Variants in PRSS36 observed in about 807,000 individuals in gnomAD.
PRSS36 encodes polyserase-2.
In PRSS36, 90 loss-of-function variants were observed where a neutral mutation model predicts 94.3. The observed-to-expected ratio is 0.95, with a 90% CI of 0.80 to 1.14. The LOEUF (loss-of-function observed/expected upper bound fraction) is 1.14. Ranked by LOEUF, PRSS36 falls within the 50% of genes most tolerant of loss-of-function variation. The probability of loss-of-function intolerance (pLI) is 0.00; values close to 1 mark genes in which losing one functional copy is unlikely to be tolerated. For missense variants in PRSS36, 1,158 were observed against 1,135.0 expected, an observed-to-expected ratio of 1.02 and a Z score of -0.29; for synonymous variants, 500 against 489.6, an observed-to-expected ratio of 1.02 and a Z score of -0.28.
intron 2 of PRSS36, 71 bp from the exon 3 acceptor site, chr16:31,149,569 T>G: frequency 1.9e-6 from 3 of 1,608,592 alleles, no homozygotes; most frequent in Non-Finnish European, 2.6e-6. Flanking sequence ...CCCCACTTCC[T>G]GCTCTCCAAC....
Position 31,141,722 on chromosome 16 carries a change from C to T in PRSS36, c.1759+1G>A. 1 of 1,611,088 alleles carries T rather than the reference C, an allele frequency of 6.2e-7. No homozygotes were observed. Among genetic ancestry groups the T allele is most frequent in the Non-Finnish European group, 8.5e-7 (1 of 1,177,442 alleles). On this transcript the variant is annotated splice_donor_variant, in intron 11 of 14. Transcript: ENST00000268281. LOFTEE classifies it high-confidence loss of function. ...CTAGGGCCCAAAAGCGTCCTGCTCA[C>T]CACCATGCTCTGTGTGTGGGGGACA...
Position 31,149,249 on chromosome 16 carries a change from C to G in PRSS36, c.110-14G>C, listed in dbSNP as rs942472581. ...GGCGCCCGCAGTCTGCAACGGGGAG[C>G]CGTGGAAGCCAAAGCTCCCCTCGGG... On this transcript the variant is annotated splice_polypyrimidine_tract_variant and intron_variant, in intron 3 of 14. Coordinates refer to ENST00000268281, the MANE Select transcript of PRSS36 (RefSeq NM_173502.5). 1.3e-6 allele frequency: 2 copies of G among 1,540,878 alleles called. No individual in the cohort carries two copies. The highest frequency in any genetic ancestry group is 2.7e-5 in the African/African-American group (2 of 72,944).
intron 5 of PRSS36, among the ~76,000 whole-genome samples, chr16:31,148,061 A>T (rs2057824123): frequency 6.6e-6 from 1 of 152,156 alleles, no homozygotes; most frequent in South Asian, 2.1e-4. Flanking sequence ...AGATGAGGAA[A>T]TGTACTGGGT....
intron 2 of PRSS36, 82 bp downstream of exon 2, chr16:31,149,614 A>G: frequency 6.2e-7 from 1 of 1,608,792 alleles, no homozygotes. Context: ...CTGTCCGTTC[A>G]GCAACCCCTG....
intron 12 of PRSS36, 40 bp downstream of exon 12, chr16:31,141,429 T>A: frequency 6.4e-7 from 1 of 1,556,312 alleles, no homozygotes; most frequent in South Asian, 1.2e-5. Flanking sequence ...TGTTCCATTC[T>A]CCCCTCCCGT....
chr16:31,139,014 C>T lies in PRSS36; in HGVS notation c.*124G>A, dbSNP rs1401235459. On this transcript the variant is annotated 3_prime_UTR_variant, in exon 15 of 15. Coordinates refer to ENST00000268281, the MANE Select transcript of PRSS36 (RefSeq NM_173502.5). The stretch of plus-strand genomic sequence containing the variant: ...GCCCGGGCACTGAGGCCCAATTAGC[C>T]AGAGCCGCTGCAATCTCGGTGGGTG... 1.7e-6 allele frequency: 2 copies of T among 1,193,668 alleles called. No individual in the cohort carries two copies. Among genetic ancestry groups the T allele is most frequent in the Non-Finnish European group, 2.3e-6 (2 of 853,682 alleles). 73.9% of individuals were successfully genotyped at this position (1,193,668 alleles called of 1,614,324 possible).
chr16:31,149,452 C>T lies in PRSS36; in HGVS notation c.109+11G>A. The T allele has an allele frequency of 6.2e-7, 1 of 1,614,088 alleles. No homozygotes were observed. Among genetic ancestry groups the T allele is most frequent in the Non-Finnish European group, 8.5e-7 (1 of 1,180,000 alleles). ...CTTTAAGGTCTGAGGGTGCCAAGGC[C>T]TCTTCCTTACCCAGATCTTCAGGTT... On this transcript the variant is annotated intron_variant, in intron 3 of 14. Coordinates refer to ENST00000268281, the MANE Select transcript of PRSS36 (RefSeq NM_173502.5).
chr16:31,143,017 G>C (rs1179992325), intron 8 of PRSS36, 24 bp from the exon 9 acceptor site: 1 of 1,372,702 alleles, frequency 7.3e-7, no homozygotes, highest in Non-Finnish European at 9.4e-7. Context: ...GCCGAGGGAC[G>C]TGGGCCGGAT....
At position 31,140,657 on chromosome 16, in the gene PRSS36, T is replaced by A. The variant is rs771542562; in HGVS notation, c.2002A>T (p.Ile668Phe). ...GHQVSRLVIS[I>F]RLPQHLGLRP... The stretch of plus-strand genomic sequence containing the variant: ...AGTCCCAGGTGCTGGGGCAGCCGGA[T>A]GCTGATGACCAAGCGGGATACCTGG... The change falls in exon 13 of 15, where the codon ATC (isoleucine) becomes TTC (phenylalanine). Residue 668 changes from isoleucine to phenylalanine, a missense_variant. Coordinates refer to ENST00000268281, the MANE Select transcript of PRSS36 (RefSeq NM_173502.5). 6.2e-7 allele frequency: 1 copy of A among 1,613,906 alleles called. No individual in the cohort carries two copies. Among genetic ancestry groups the A allele is most frequent in the South Asian group, 1.1e-5 (1 of 91,054 alleles).
rs561048650 is a variant in PRSS36 at position 31,140,755 on chromosome 16, G to C, written c.1904C>G (p.Pro635Arg). The stretch of plus-strand genomic sequence containing the variant: ...AATGTAAGGCACTGTTGTAGAGCCT[G>C]GCCTGTTGGAACAAGGTCCAATGTC... Reference protein sequence around the residue: ...VLAATHCVLRPGSTTVPYIEV... With the variant: ...VLAATHCVLRRGSTTVPYIEV... The change falls in exon 13 of 15, where the codon CCA becomes CGA. Residue 635 changes from proline (P) to arginine (R), a missense_variant and splice_region_variant. Transcript: ENST00000268281. 5 of 1,613,748 alleles carry C rather than the reference G, an allele frequency of 3.1e-6. No homozygotes were observed. The South Asian group carries it at 4.4e-5, about 14-fold the overall frequency.
In PRSS36 at chr16:31,139,013, C is replaced by T; in HGVS notation, c.*125G>A. 8.5e-7 allele frequency: 1 copy of T among 1,179,018 alleles called. No homozygotes were observed. The highest frequency in any genetic ancestry group is 1.2e-6 in the Non-Finnish European group (1 of 841,026). 73.0% of individuals were successfully genotyped at this position (1,179,018 alleles called of 1,614,324 possible). A position where few individuals can be genotyped will look rare whatever the true frequency, so the allele number is the denominator to read the frequency against. On this transcript the variant is annotated 3_prime_UTR_variant, in exon 15 of 15. Coordinates refer to ENST00000268281, the MANE Select transcript of PRSS36 (RefSeq NM_173502.5). ...AGCCCGGGCACTGAGGCCCAATTAG[C>T]CAGAGCCGCTGCAATCTCGGTGGGT...
intron 6 of PRSS36, 50 bp downstream of exon 6, chr16:31,145,739 A>G (rs1474084471): frequency 2.6e-6 from 4 of 1,551,242 alleles, no homozygotes; most frequent in East Asian, 2.3e-5. Context: ...TCTATTTGTC[A>G]CTGGTTAGGA....
chr16:31,148,851 G>T, intron 4 of PRSS36, 176 bp from the exon 5 acceptor site: 1 of 986,368 alleles, frequency 1.0e-6, no homozygotes, highest in Non-Finnish European at 1.5e-6. Flanking sequence ...GGGGGTCATT[G>T]GAAAGATGGG....
intron 6 of PRSS36, 59 bp from the exon 7 acceptor site, chr16:31,143,896 T>G: frequency 6.3e-6 from 10 of 1,598,390 alleles, no homozygotes; most frequent in Non-Finnish European, 8.5e-6. Flanking sequence ...GAAAAGGTCC[T>G]GCACCTCCTT....
At position 31,148,537 on chromosome 16, in the gene PRSS36, G is replaced by GC. The variant is rs776705244; in HGVS notation, c.410dup (p.Ala138ArgfsTer105). 3.4e-5 allele frequency: 55 copies of GC among 1,600,868 alleles called. No homozygotes were observed. Among genetic ancestry groups the GC allele is most frequent in the Admixed American group, 1.0e-4 (6 of 59,282 alleles). On this transcript the variant is annotated frameshift_variant, in exon 5 of 15. Transcript: ENST00000268281. LOFTEE classifies it high-confidence loss of function. ...CCAGGCGCAGCAGGGCCAGGTCGGCGCCCAGCTCCACTTGGCTGTAGTTGG... is the reference window on the plus strand; with the variant it reads ...CCAGGCGCAGCAGGGCCAGGTCGGCGCCCCAGCTCCACTTGGCTGTAGTTGG...
chr16:31,145,166 G>A (rs2057777267), intron 6 of PRSS36, among the ~76,000 whole-genome samples: 1 of 151,802 alleles, frequency 6.6e-6, no homozygotes, highest in Admixed American at 6.6e-5. Flanking sequence ...TCAGGAGATC[G>A]AGACAATCCT....
At chr16:31,145,645 C>T (rs1406195605) in intron 6 of PRSS36, 144 bp downstream of exon 6, 20 of 832,818 alleles carry the variant, frequency 2.4e-5, no homozygotes, top group Non-Finnish European at 3.7e-5. Context: ...TCTCAAAATA[C>T]ACAAACAAAA....
At position 31,146,102 on chromosome 16, in the gene PRSS36, C is replaced by G. The variant is rs114797424; in HGVS notation, c.554-147G>C. The G allele has an allele frequency of 4.8e-3, 3,293 of 691,200 alleles. 62 individuals are homozygous for G. Among genetic ancestry groups the G allele is most frequent in the African/African-American group, 0.046 (2,570 of 55,302 alleles). The allele number at this position is 691,200 out of a possible 1,614,324, so 42.8% of individuals were successfully genotyped here. On this transcript the variant is annotated intron_variant, in intron 5 of 14. Coordinates refer to ENST00000268281, the MANE Select transcript of PRSS36 (RefSeq NM_173502.5). ...GCCCACCACATTCACCACATCTCCT[C>G]CTGCTTCTATCTGTTCTTTCTACTT...
In PRSS36 at chr16:31,148,637, A is replaced by C; in HGVS notation, c.311T>G (p.Leu104Arg). 1 of 1,612,486 alleles carries C rather than the reference A, an allele frequency of 6.2e-7. No individual in the cohort carries two copies. The highest frequency in any genetic ancestry group is 8.5e-7 in the Non-Finnish European group (1 of 1,179,702). The part of the protein sequence containing the change: ...TLEPAAEWSV[L>R]LGVHSQDGPL... Reference sequence around the variant, plus strand: ...CCCGTCCTGGGAGTGCACGCCCAGCAGTACCGACCACTCGGCCGCGGGCTC... The same window carrying C: ...CCCGTCCTGGGAGTGCACGCCCAGCCGTACCGACCACTCGGCCGCGGGCTC... The change falls in exon 5 of 15, where the codon CTG (leucine) becomes CGG (arginine). Residue 104 changes from leucine to arginine, a missense_variant. By Grantham distance (102) the Leu-to-Arg change is moderately radical. Coordinates refer to ENST00000268281, the MANE Select transcript of PRSS36 (RefSeq NM_173502.5).
Sources: allele counts gnomAD v4.1 joint callset (sites outside exome capture counted in the v4.1 genomes callset), GRCh38; gene constraint gnomAD v4.1.1; transcripts MANE v1.5; gene names NCBI Gene and HGNC (gene_info 2026-07-23, HGNC 2026-07-21).